NTNG1: variants seen among roughly 807,000 people sequenced by gnomAD.
NTNG1 encodes netrin G1, also known as netrin-G1.
A neutral mutation model predicts 54.0 loss-of-function variants in NTNG1; 16 were observed. The ratio of observed to expected loss-of-function variants is 0.30; its 90% CI spans 0.20 to 0.45. The LOEUF is 0.45. Ranked by LOEUF, NTNG1 falls within the 20% of genes least tolerant of loss-of-function variation. The pLI, the probability that NTNG1 is intolerant of heterozygous loss-of-function variation, is 1.00. For synonymous variants in NTNG1, 255 were observed against 263.1 expected (o/e 0.97, Z 0.30); for missense variants, 530 against 678.7 (o/e 0.78, Z 2.43).
chr1:107,436,069 T>A (rs1675575405), intron 6 of NTNG1, among the ~76,000 whole-genome samples: 1 of 152,238 alleles, frequency 6.6e-6, no homozygotes, highest in Non-Finnish European at 1.5e-5. Flanking sequence ...AGTTTATTTT[T>A]CTTTCATGAT....
rs560836689 is a variant in NTNG1 at position 107,181,995 on chromosome 1, G to T, written c.246+33156G>T. ...TTTATATTAATAATAATTATTAGGG[G>T]AATTAGGGTTGATTCCTCTCCTGTA... On this transcript the variant is annotated intron_variant, in intron 2 of 7. Transcript: ENST00000370068. Among the ~76,000 whole-genome samples the T allele has an allele frequency of 1.3e-4, 20 of 151,920 alleles. No individual in the cohort carries two copies. The South Asian group carries it at 3.7e-3, about 28-fold the overall frequency.
chr1:107,175,698 C>G (rs2101110073), intron 2 of NTNG1, among the ~76,000 whole-genome samples: 2 of 152,078 alleles, frequency 1.3e-5, no homozygotes, highest in Middle Eastern at 6.8e-3. Flanking sequence ...AACAAAAGGC[C>G]AGTCTCTAAT....
Position 107,366,391 on chromosome 1 carries a change from A to G in NTNG1, c.888-28763A>G, listed in dbSNP as rs534253224. ...CAGATGTAAGGGCACTTTTAATTAA[A>G]TATAGACCCAAAAAATCTGTCTCAA... is the stretch of plus-strand genomic sequence containing the variant. On this transcript the variant is annotated intron_variant, in intron 3 of 7. Coordinates refer to ENST00000370068, the MANE Select transcript of NTNG1 (RefSeq NM_001113226.3). 5.9e-5 allele frequency among the ~76,000 whole-genome samples: 9 copies of G among 152,356 alleles called. No individual in the cohort carries two copies. In the South Asian group the frequency reaches 1.9e-3, roughly 32 times the overall value.
chr1:107,259,726 A>G (rs554152076), intron 2 of NTNG1, among the ~76,000 whole-genome samples: 1 of 152,342 alleles, frequency 6.6e-6, no homozygotes, highest in South Asian at 2.1e-4. Flanking sequence ...CTTTGTTCAA[A>G]TACCAGTCAA....
chr1:107,479,488 A>G (rs1237667304), intron 7 of NTNG1, among the ~76,000 whole-genome samples: 4 of 152,234 alleles, frequency 2.6e-5, no homozygotes, highest in African/African-American at 9.6e-5. Flanking sequence ...ACATTTTTAA[A>G]AATGGAAAAT....
At chr1:107,279,889 C>T (rs1354255894) in intron 2 of NTNG1, among the ~76,000 whole-genome samples, 2 of 152,092 alleles carry the variant, frequency 1.3e-5, no homozygotes, top group South Asian at 4.1e-4. Context: ...CTCTTAGCCT[C>T]AAGCAGTCCT....
At chr1:107,462,300 G>A (rs1677328301) in intron 7 of NTNG1, among the ~76,000 whole-genome samples, 1 of 152,154 alleles carries the variant, frequency 6.6e-6, no homozygotes, top group African/African-American at 2.4e-5. Flanking sequence ...AGGAAAAATA[G>A]CAAAGTAATT....
chr1:107,409,887 G>C (rs1007552784), intron 5 of NTNG1: 4 of 152,226 alleles, frequency 2.6e-5, no homozygotes, highest in African/African-American at 9.6e-5. Context: ...GCATTCGAAA[G>C]TTCCTTCTTT....
At chr1:107,227,343 AC>A (rs1660754251) in intron 2 of NTNG1, among the ~76,000 whole-genome samples, 2 of 151,806 alleles carry the variant, frequency 1.3e-5, no homozygotes, top group African/African-American at 4.8e-5. Flanking sequence ...TTCCTCTTTC[AC>A]TTTATACTTG....
intron 2 of NTNG1, among the ~76,000 whole-genome samples, chr1:107,194,734 C>T (rs554862211): frequency 1.3e-5 from 2 of 152,108 alleles, no homozygotes; most frequent in Admixed American, 1.3e-4. Context: ...TTACATCCTA[C>T]AGCTCCATTA....
intron 2 of NTNG1, among the ~76,000 whole-genome samples, chr1:107,215,729 A>G (rs1463291014): frequency 2.0e-5 from 3 of 152,086 alleles, no homozygotes; most frequent in Non-Finnish European, 4.4e-5. Flanking sequence ...TGCTTTTGGC[A>G]GTGTGGTCAT....
intron 2 of NTNG1, among the ~76,000 whole-genome samples, chr1:107,300,872 A>G (rs1294693954): frequency 6.6e-6 from 1 of 152,184 alleles, no homozygotes; most frequent in Non-Finnish European, 1.5e-5. Flanking sequence ...TCCAGATTAT[A>G]TGTTTAAAAT....
At chr1:107,370,860 A>G (rs915699382) in intron 3 of NTNG1, among the ~76,000 whole-genome samples, 1 of 152,048 alleles carries the variant, frequency 6.6e-6, no homozygotes, top group African/African-American at 2.4e-5. Flanking sequence ...TATAAATGCT[A>G]TTGGCTTTTA....
chr1:107,386,297 G>A (rs978808618), intron 3 of NTNG1, among the ~76,000 whole-genome samples: 1 of 151,730 alleles, frequency 6.6e-6, no homozygotes, highest in Non-Finnish European at 1.5e-5. Context: ...AGCCCTCTGA[G>A]TAGCTGGGAT....
At chr1:107,220,957 C>G (rs1001311881) in intron 2 of NTNG1, among the ~76,000 whole-genome samples, 1 of 151,800 alleles carries the variant, frequency 6.6e-6, no homozygotes, top group East Asian at 1.9e-4. Flanking sequence ...TTAAACTTTT[C>G]CACTTATTAT....
chr1:107,399,637 A>C (rs1422794403), intron 4 of NTNG1, among the ~76,000 whole-genome samples: 1 of 152,040 alleles, frequency 6.6e-6, no homozygotes, highest in Admixed American at 6.5e-5. Flanking sequence ...ATAGTCTTAC[A>C]AGGCAAATAC....
At chr1:107,272,736 T>G (rs989210227) in intron 2 of NTNG1, among the ~76,000 whole-genome samples, 1 of 152,172 alleles carries the variant, frequency 6.6e-6, no homozygotes, top group African/African-American at 2.4e-5. Flanking sequence ...ATATTGAGGT[T>G]TAATAGTGCT....
At chr1:107,261,039 A>C (rs1326507684) in intron 2 of NTNG1, 1 of 152,248 alleles carries the variant, frequency 6.6e-6, no homozygotes, top group Admixed American at 6.5e-5. Flanking sequence ...GAAGAGTTGT[A>C]CAGTTATGAT....
chr1:107,417,163 A>G (rs560992686), intron 5 of NTNG1, among the ~76,000 whole-genome samples: 14 of 152,234 alleles, frequency 9.2e-5, no homozygotes, highest in Admixed American at 7.2e-4. Flanking sequence ...ACATGTTACC[A>G]AATATGTATT....
Sources: gnomAD v4.1 joint callset for allele counts (sites outside exome capture counted in the v4.1 genomes callset) on GRCh38, gnomAD v4.1.1 for gene constraint, MANE v1.5 for transcripts, NCBI Gene and HGNC (gene_info 2026-07-23, HGNC 2026-07-21) for gene names.